The following BPTF variants were observed in gnomAD, a reference collection of about 807,000 sequenced individuals.
BPTF encodes bromodomain PHD finger transcription factor.
Under a neutral mutation model 292.5 loss-of-function variants are expected in BPTF, and 18 were observed. The observed-to-expected ratio is 0.06, with a 90% CI of 0.04 to 0.09. The LOEUF (loss-of-function observed/expected upper bound fraction) is 0.09, where lower values mean the gene tolerates loss of function less well. Among genes scored for constraint, BPTF ranks in the 10% least tolerant of loss-of-function variants. BPTF has a pLI of 1.00. For missense variants in BPTF, 2,726 were observed against 3,498.7 expected, an observed-to-expected ratio of 0.78 and a Z score of 5.57; for synonymous variants, 1,225 against 1,251.9, an observed-to-expected ratio of 0.98 and a Z score of 0.45.
chr17:67,973,341 T>C (rs1355213562), intron 26 of BPTF, among the ~76,000 whole-genome samples: 2 of 150,328 alleles, frequency 1.3e-5, no homozygotes, highest in African/African-American at 2.4e-5. Flanking sequence ...GCCACTGCAC[T>C]CCAGCCTGGG....
At chr17:67,896,106 G>A (rs1050416411) in intron 7 of BPTF, among the ~76,000 whole-genome samples, 33 of 152,012 alleles carry the variant, frequency 2.2e-4, no homozygotes, top group African/African-American at 7.2e-4. Flanking sequence ...GGGACTATAG[G>A]CACCCACCAC....
intron 23 of BPTF, among the ~76,000 whole-genome samples, chr17:67,952,741 ACTC>A (rs1555679032): frequency 6.6e-6 from 1 of 151,930 alleles, no homozygotes; most frequent in African/African-American, 2.4e-5. Flanking sequence ...ATTAAGGTTC[ACTC>A]CTCGTGATCT....
chr17:67,870,766 CTTT>C (rs11418428), intron 3 of BPTF, among the ~76,000 whole-genome samples: 3 of 106,378 alleles, frequency 2.8e-5, no homozygotes, highest in East Asian at 2.9e-4. Flanking sequence ...TGCTTCATTT[CTTT>C]TTTTTTTTTT....
intron 2 of BPTF, among the ~76,000 whole-genome samples, chr17:67,864,853 A>G (rs190168888): frequency 1.3e-5 from 2 of 152,132 alleles, no homozygotes; most frequent in African/African-American, 2.4e-5. Context: ...CACCCAGGCT[A>G]GAGTGAACTG....
chr17:67,888,483 G>C (rs1394449362), intron 4 of BPTF, among the ~76,000 whole-genome samples: 3 of 151,698 alleles, frequency 2.0e-5, no homozygotes, highest in African/African-American at 7.3e-5. Context: ...CCAGCTACTG[G>C]GGAGGCTGAG....
chr17:67,940,476 G>T lies in BPTF; in HGVS notation c.6297G>T (p.Gly2099=), dbSNP rs1257606417. ...PQQVMTQIIR[G]QPVSTAVSAP... Reference sequence around the variant, plus strand: ...AAGTGATGACTCAAATCATCAGGGGGCAGCCTGTCTCCACTGCAGTCTCCG... The same window carrying T: ...AAGTGATGACTCAAATCATCAGGGGTCAGCCTGTCTCCACTGCAGTCTCCG... Residue 2099 remains glycine (G), a synonymous_variant, in exon 19 of 28, where the codon GGG becomes GGT. Transcript: ENST00000306378. 2.5e-6 allele frequency: 4 copies of T among 1,614,084 alleles called. No homozygotes were observed. Among genetic ancestry groups the T allele is most frequent in the South Asian group, 2.2e-5 (2 of 91,076 alleles).
intron 26 of BPTF, among the ~76,000 whole-genome samples, chr17:67,973,051 ATT>A (rs1165515313): frequency 1.4e-5 from 2 of 144,256 alleles, no homozygotes; most frequent in Admixed American, 7.1e-5. Flanking sequence ...ATATATATAT[ATT>A]TTATATATAT....
intron 1 of BPTF, among the ~76,000 whole-genome samples, chr17:67,829,033 C>T (rs72845272): frequency 0.071 from 10,804 of 152,194 alleles, 539 homozygotes; most frequent in Non-Finnish European, 0.1. Flanking sequence ...TTTGATAACT[C>T]TACAGTGGGT....
chr17:67,944,258 C>T lies in BPTF; in HGVS notation c.6586C>T (p.Leu2196=). The T allele has an allele frequency of 6.2e-7, 1 of 1,614,158 alleles. No homozygotes were observed. Among genetic ancestry groups the T allele is most frequent in the Non-Finnish European group, 8.5e-7 (1 of 1,180,032 alleles). The change falls in exon 20 of 28, where the codon CTA becomes TTA. Residue 2196 remains leucine, a synonymous_variant. Transcript: ENST00000306378. Reference sequence around the variant, plus strand: ...TGTACTCCCAGGCCCAGGCCAGCAGCTAATGCAAGCTGCAATGCCAAATGG... The same window carrying T: ...TGTACTCCCAGGCCCAGGCCAGCAGTTAATGCAAGCTGCAATGCCAAATGG... The part of the protein sequence containing the change: ...VTVLPGPGQQ[L]MQAAMPNGTV...
rs1375076671 is a variant in BPTF, at chr17:67,948,279, G to A, written c.7899G>A (p.Leu2633=). 3 of 1,613,546 alleles carry A rather than the reference G, an allele frequency of 1.9e-6. No homozygotes were observed. The highest frequency in any genetic ancestry group is 2.2e-5 in the East Asian group (1 of 44,862). Residue 2633 remains leucine (L), a synonymous_variant, in exon 23 of 28, where the codon CTG becomes CTA. Coordinates refer to ENST00000306378, the MANE Select transcript of BPTF (RefSeq NM_182641.4). ...RAEILKKRAL[L]DKDLQIEVQE... ...AGATCCTGAAGAAGAGAGCACTCCT[G>A]GACAAGGATCTGCAAATTGAAGTGC...
chr17:67,962,965 G>T (rs1242918802), intron 24 of BPTF, among the ~76,000 whole-genome samples: 2 of 152,176 alleles, frequency 1.3e-5, no homozygotes, highest in Non-Finnish European at 2.9e-5. Flanking sequence ...TTTGACAGAT[G>T]TAAGTCTTTG....
intron 1 of BPTF, among the ~76,000 whole-genome samples, chr17:67,842,694 G>T (rs958523748): frequency 6.6e-6 from 1 of 151,776 alleles, no homozygotes; most frequent in Non-Finnish European, 1.5e-5. Context: ...ATATGTGATA[G>T]AGACTGTCCC....
chr17:67,893,041 T>C (rs751032007), intron 5 of BPTF, among the ~76,000 whole-genome samples: 2 of 152,188 alleles, frequency 1.3e-5, no homozygotes, highest in Non-Finnish European at 2.9e-5. Flanking sequence ...TGTTATAAAC[T>C]TGAAAAAAAT....
At chr17:67,921,568 C>G (rs2063442418) in intron 13 of BPTF, among the ~76,000 whole-genome samples, 1 of 151,924 alleles carries the variant, frequency 6.6e-6, no homozygotes, top group Admixed American at 6.6e-5. Context: ...AAGATAATGT[C>G]CTTAGATAGA....
chr17:67,943,237 G>A (rs542511071), intron 19 of BPTF, among the ~76,000 whole-genome samples: 1 of 152,198 alleles, frequency 6.6e-6, no homozygotes, highest in African/African-American at 2.4e-5. Flanking sequence ...GGTGTTTTGT[G>A]CATTTTGTGC....
At chr17:67,855,468 A>G (rs2058635602) in intron 2 of BPTF, among the ~76,000 whole-genome samples, 1 of 152,188 alleles carries the variant, frequency 6.6e-6, no homozygotes, top group Admixed American at 6.5e-5. Flanking sequence ...ATGGAACAGC[A>G]AGAAAATACC....
intron 3 of BPTF, among the ~76,000 whole-genome samples, chr17:67,874,463 C>T (rs2059936501): frequency 6.6e-6 from 1 of 152,130 alleles, no homozygotes; most frequent in Admixed American, 6.6e-5. Context: ...CAGTGTGCTG[C>T]CCAGACTGTG....
intron 1 of BPTF, among the ~76,000 whole-genome samples, chr17:67,838,060 A>G (rs866672577): frequency 6.6e-6 from 1 of 152,194 alleles, no homozygotes; most frequent in African/African-American, 2.4e-5. Flanking sequence ...GGGACTGGCA[A>G]ACTTGTTCTT....
chr17:67,921,603 G>A (rs1219471874), intron 13 of BPTF, among the ~76,000 whole-genome samples: 1 of 152,088 alleles, frequency 6.6e-6, no homozygotes, highest in Non-Finnish European at 1.5e-5. Context: ...ATAAAAGTTA[G>A]TTCTCCCCAA....
Sources: gnomAD v4.1 joint callset for allele counts (sites outside exome capture counted in the v4.1 genomes callset) on GRCh38, gnomAD v4.1.1 for gene constraint, MANE v1.5 for transcripts, NCBI Gene and HGNC (gene_info 2026-07-23, HGNC 2026-07-21) for gene names.